The following TRAF3IP3 variants were observed in gnomAD, a reference collection of about 807,000 sequenced individuals.
The protein encoded by TRAF3IP3 is TRAF3 interacting protein 3.
TRAF3IP3 carries 64 observed loss-of-function variants against 86.5 expected under a neutral mutation model. That is an observed-to-expected ratio of 0.74 (90% CI 0.60 to 0.91). The LOEUF (loss-of-function observed/expected upper bound fraction) is 0.91. Ranked by LOEUF, TRAF3IP3 falls within the 40% of genes least tolerant of loss-of-function variation. TRAF3IP3 has a pLI of 0.00. For synonymous variants in TRAF3IP3, 220 were observed against 243.9 expected, an observed-to-expected ratio of 0.90 and a Z score of 0.91; for missense variants, 579 against 642.9, an observed-to-expected ratio of 0.90 and a Z score of 1.07.
In TRAF3IP3 at chr1:209,763,344, C is replaced by T; in HGVS notation, c.577-19C>T. On this transcript the variant is annotated intron_variant, in intron 6 of 16. Coordinates refer to ENST00000367025, the MANE Select transcript of TRAF3IP3 (RefSeq NM_025228.4). Reference sequence around the variant, plus strand: ...GGGGACTTACAGACATTTTGAATACCCTTGTTCTTTCTCTCCAGGAAATCA... The same window carrying T: ...GGGGACTTACAGACATTTTGAATACTCTTGTTCTTTCTCTCCAGGAAATCA... 3 of 1,612,566 alleles carry T rather than the reference C, an allele frequency of 1.9e-6. No homozygotes were observed. Among genetic ancestry groups the T allele is most frequent in the Non-Finnish European group, 2.5e-6 (3 of 1,179,648 alleles).
intron 15 of TRAF3IP3, 151 bp from the exon 16 acceptor site, chr1:209,781,194 A>G: frequency 1.8e-6 from 1 of 546,442 alleles, no homozygotes; most frequent in Non-Finnish European, 3.4e-6. Context: ...TAAGACAGTC[A>G]AAAGACAAAC....
rs1279502953 is a variant in TRAF3IP3, at chr1:209,781,267, T to C, written c.1450-78T>C. 4 of 929,984 alleles carry C rather than the reference T, an allele frequency of 4.3e-6. No homozygotes were observed. In the Admixed American group the frequency reaches 8.3e-5, roughly 19 times the overall value. 57.6% of individuals were successfully genotyped at this position (929,984 alleles called of 1,614,324 possible). A position where few individuals can be genotyped will look rare whatever the true frequency, so the allele number is the denominator to read the frequency against. Reference sequence around the variant, plus strand: ...GTAAAAATTCCAAATGAGTGAAACTTACAAAGGGCAGTCTCCCCTGCCTGG... The same window carrying C: ...GTAAAAATTCCAAATGAGTGAAACTCACAAAGGGCAGTCTCCCCTGCCTGG... On this transcript the variant is annotated intron_variant, in intron 15 of 16. Transcript: ENST00000367025.
intron 9 of TRAF3IP3, among the ~76,000 whole-genome samples, chr1:209,774,874 C>G (rs2077619866): frequency 6.6e-6 from 1 of 152,090 alleles, no homozygotes; most frequent in African/African-American, 2.4e-5. Flanking sequence ...ACTAAGGAAG[C>G]AGCAGTAGGG....
At chr1:209,772,416 T>G (rs1026394948) in intron 8 of TRAF3IP3, among the ~76,000 whole-genome samples, 3 of 152,156 alleles carry the variant, frequency 2.0e-5, no homozygotes, top group African/African-American at 7.2e-5. Flanking sequence ...TTTCTCCAAA[T>G]ATGGTCACAT....
Position 209,763,593 on chromosome 1 carries a change from G to A in TRAF3IP3, c.702+6G>A. On this transcript the variant is annotated splice_donor_region_variant and intron_variant, in intron 8 of 16. Transcript: ENST00000367025. ...CCTCTGACAGCTCTTGGAAGGTAAG[G>A]GAATGAAATTCTTTTTGAACAAAGC... 1 of 1,606,762 alleles carries A rather than the reference G, an allele frequency of 6.2e-7. No individual in the cohort carries two copies. Among genetic ancestry groups the A allele is most frequent in the South Asian group, 1.1e-5 (1 of 90,858 alleles).
chr1:209,771,697 G>A (rs1275387731), intron 8 of TRAF3IP3, among the ~76,000 whole-genome samples: 2 of 149,370 alleles, frequency 1.3e-5, no homozygotes, highest in East Asian at 4.0e-4. Flanking sequence ...GTGTGTGCAG[G>A]TGGAGGTGTA....
intron 16 of TRAF3IP3, chr1:209,781,737 C>G: frequency 2.1e-6 from 1 of 480,786 alleles, no homozygotes; most frequent in Non-Finnish European, 3.7e-6. Context: ...AGCATGGTGG[C>G]AAGAACAGAA....
chr1:209,763,673 G>A (rs970123950), intron 8 of TRAF3IP3, 86 bp downstream of exon 8: 4 of 1,155,672 alleles, frequency 3.5e-6, no homozygotes, highest in Non-Finnish European at 5.1e-6. Context: ...CACAGTAAGA[G>A]AAGGGGTTTT....
At position 209,775,756 on chromosome 1, in the gene TRAF3IP3, G is replaced by A; in HGVS notation, c.1053+20G>A. ...CTGCAGGTACCAGGCACTGGGGGTG[G>A]GGAGGGAAGACAGGGTATGGGGAGG... On this transcript the variant is annotated intron_variant, in intron 11 of 16. Transcript: ENST00000367025. The A allele has an allele frequency of 1.3e-6, 2 of 1,599,352 alleles. No individual in the cohort carries two copies. The highest frequency in any genetic ancestry group is 2.2e-5 in the East Asian group (1 of 44,700).
Position 209,782,208 on chromosome 1 carries a change from A to G in TRAF3IP3, c.*60A>G. ...AAGCAAGCAACTCAGCGAAAAACTC[A>G]GAAGGTTTGGGTACATTACAGCTTG... On this transcript the variant is annotated 3_prime_UTR_variant, in exon 17 of 17. Transcript: ENST00000367025. 3 of 1,411,498 alleles carry G rather than the reference A, an allele frequency of 2.1e-6. No individual in the cohort carries two copies. The highest frequency in any genetic ancestry group is 3.0e-6 in the Non-Finnish European group (3 of 995,518). The allele number at this position is 1,411,498 out of a possible 1,614,324, so 87.4% of individuals were successfully genotyped here.
chr1:209,771,133 T>C (rs1274455227), intron 8 of TRAF3IP3, among the ~76,000 whole-genome samples: 1 of 126,440 alleles, frequency 7.9e-6, no homozygotes, highest in Non-Finnish European at 1.6e-5. Flanking sequence ...TGCGTGTGCA[T>C]ATGGATGTGT....
chr1:209,780,975 G>A (rs2077765878), intron 15 of TRAF3IP3: 2 of 188,274 alleles, frequency 1.1e-5, no homozygotes, highest in Admixed American at 1.2e-4. Context: ...CACATCCCCA[G>A]AAGTATTGAT....
intron 8 of TRAF3IP3, among the ~76,000 whole-genome samples, chr1:209,771,088 G>GCA (rs2102478793): frequency 6.7e-6 from 1 of 148,660 alleles, no homozygotes; most frequent in African/African-American, 2.5e-5. Flanking sequence ...GGAGGTGTGT[G>GCA]TGTGCAGGTG....
In TRAF3IP3 at chr1:209,782,213, G is replaced by T. The variant is rs763981196; in HGVS notation, c.*65G>T. The stretch of plus-strand genomic sequence containing the variant: ...AGCAACTCAGCGAAAAACTCAGAAG[G>T]TTTGGGTACATTACAGCTTGGGTTT... On this transcript the variant is annotated 3_prime_UTR_variant, in exon 17 of 17. Coordinates refer to ENST00000367025, the MANE Select transcript of TRAF3IP3 (RefSeq NM_025228.4). 2.0e-5 allele frequency: 27 copies of T among 1,334,510 alleles called. No individual in the cohort carries two copies. The highest frequency in any genetic ancestry group is 2.9e-5 in the Non-Finnish European group (27 of 925,684). The allele number at this position is 1,334,510 out of a possible 1,614,324, so 82.7% of individuals were successfully genotyped here. A position where few individuals can be genotyped will look rare whatever the true frequency, so the allele number is the denominator to read the frequency against.
rs2077330722 is a variant in TRAF3IP3 at position 209,765,237 on chromosome 1, G to GA, written c.702+1650_702+1651insA. 1.6e-4 allele frequency among the ~76,000 whole-genome samples: 17 copies of GA among 107,454 alleles called. No homozygotes were observed. In the East Asian group the frequency reaches 2.6e-3, roughly 17 times the overall value. 70.5% of individuals were successfully genotyped at this position (107,454 alleles called of 152,430 possible). ...AGGGAGAGAGAGAGAGAGGAAGGAAGGAAGGAAGGAAGGAAGGAAGGAAGG... is the reference window on the plus strand; with the variant it reads ...AGGGAGAGAGAGAGAGAGGAAGGAAGAGAAGGAAGGAAGGAAGGAAGGAAGG... On this transcript the variant is annotated intron_variant, in intron 8 of 16. Transcript: ENST00000367025.
Position 209,762,816 on chromosome 1 carries a change from C to T in TRAF3IP3, c.497C>T (p.Thr166Ile). The change falls in exon 5 of 17, where the codon ACT becomes ATT. Residue 166 changes from threonine to isoleucine, a missense_variant. Transcript: ENST00000367025. ...CAACTTATCCTCCATCTCTCAGGTA[C>T]TCAGACAAAGGCAGAAGGACCAACA... Reference protein sequence around the residue: ...IKKPPKHHRGTQTKAEGPTIK... With the variant: ...IKKPPKHHRGIQTKAEGPTIK... The T allele has an allele frequency of 6.4e-7, 1 of 1,573,730 alleles. No homozygotes were observed. The highest frequency in any genetic ancestry group is 1.7e-5 in the Admixed American group (1 of 57,698).
chr1:209,780,771 T>G, intron 15 of TRAF3IP3, 165 bp downstream of exon 15: 1 of 529,752 alleles, frequency 1.9e-6, no homozygotes, highest in Non-Finnish European at 2.9e-6. Context: ...CTTGTCAATC[T>G]TTTCCCTTCC....
intron 2 of TRAF3IP3, 42 bp from the exon 3 acceptor site, chr1:209,759,940 C>A: frequency 2.0e-6 from 2 of 982,552 alleles, no homozygotes; most frequent in Non-Finnish European, 3.1e-6. Context: ...TTCTGCCCAT[C>A]TTCTGACCCC....
At chr1:209,767,115 G>A (rs978235298) in intron 8 of TRAF3IP3, among the ~76,000 whole-genome samples, 1 of 152,168 alleles carries the variant, frequency 6.6e-6, no homozygotes, top group Non-Finnish European at 1.5e-5. Flanking sequence ...AGAATTATGG[G>A]TCTTAAACTT....
Sources: allele counts gnomAD v4.1 joint callset (sites outside exome capture counted in the v4.1 genomes callset), GRCh38; gene constraint gnomAD v4.1.1; transcripts MANE v1.5; gene names NCBI Gene and HGNC (gene_info 2026-07-23, HGNC 2026-07-21).